Variants in TBCE observed in about 807,000 individuals in gnomAD.
TBCE encodes the protein tubulin-specific chaperone E.
A neutral mutation model predicts 77.0 loss-of-function variants in TBCE; 53 were observed. The observed-to-expected ratio is 0.69, with a 90% CI of 0.55 to 0.87. The LOEUF is 0.87. TBCE is among the 40% of genes least tolerant of loss of function. The pLI, the probability that TBCE is intolerant of heterozygous loss-of-function variation, is 0.00. For missense variants in TBCE, 624 were observed against 622.4 expected (o/e 1.00, Z -0.03); for synonymous variants, 235 against 241.3 (o/e 0.97, Z 0.24).
rs10667524 is a variant in TBCE at position 235,438,552 on chromosome 1, T to TAAAA, written c.1117-209_1117-206dup. Among the ~76,000 whole-genome samples, 120 of 146,188 alleles carry TAAAA rather than the reference T, an allele frequency of 8.2e-4. 1 individual carries two copies. The highest frequency in any genetic ancestry group is 1.9e-3 in the African/African-American group (75 of 39,568). ...GACACAGCGAGACTCCATCTCAAAT[T>TAAAA]AAAAAAAAAAAGAGTGTAAAACTGA... On this transcript the variant is annotated intron_variant, in intron 12 of 16. Coordinates refer to ENST00000642610, the MANE Select transcript of TBCE (RefSeq NM_003193.5).
chr1:235,441,788 TTCATC>T (rs1307518496), intron 13 of TBCE, 21 bp from the exon 14 acceptor site: 1 of 1,608,446 alleles, frequency 6.2e-7, no homozygotes, highest in Non-Finnish European at 8.5e-7. Context: ...TGGTTTATCA[TTCATC>T]TCTTTTGCTT....
intron 3 of TBCE, chr1:235,414,042 A>G (rs954293700): frequency 5.8e-5 from 16 of 276,132 alleles, no homozygotes; most frequent in African/African-American, 3.4e-4. Flanking sequence ...TTTAGTAGAG[A>G]TGGGGGTTTC....
intron 4 of TBCE, among the ~76,000 whole-genome samples, chr1:235,417,778 T>C (rs1486473074): frequency 6.6e-6 from 1 of 152,148 alleles, no homozygotes; most frequent in Admixed American, 6.5e-5. Flanking sequence ...TGTTGTTGTT[T>C]CTTGTTTTTT....
Position 235,403,351 on chromosome 1 carries a change from C to T in TBCE, c.185+1764C>T, listed in dbSNP as rs369403655. Among the ~76,000 whole-genome samples, 16 of 152,284 alleles carry T rather than the reference C, an allele frequency of 1.1e-4. No individual in the cohort carries two copies. In the South Asian group the frequency reaches 1.9e-3, roughly 18 times the overall value. Reference sequence around the variant, plus strand: ...CCTCCTGAGTAGCTGGGATCACAGGCGAACGCTACCACGTCTGGCCAATTT... The same window carrying T: ...CCTCCTGAGTAGCTGGGATCACAGGTGAACGCTACCACGTCTGGCCAATTT... On this transcript the variant is annotated intron_variant, in intron 3 of 16. Coordinates refer to ENST00000642610, the MANE Select transcript of TBCE (RefSeq NM_003193.5).
chr1:235,404,877 G>C (rs543725402), intron 3 of TBCE, among the ~76,000 whole-genome samples: 8 of 151,804 alleles, frequency 5.3e-5, no homozygotes, highest in Admixed American at 3.3e-4. Flanking sequence ...GGCCAGGCTG[G>C]TGTCGAACCC....
chr1:235,429,112 C>T (rs930448161), intron 6 of TBCE: 1 of 151,516 alleles, frequency 6.6e-6, no homozygotes, highest in Non-Finnish European at 1.5e-5. Context: ...CCTCAGTCTC[C>T]TGAGTAGCTG....
At chr1:235,396,151 C>G (rs1357361572) in intron 2 of TBCE, among the ~76,000 whole-genome samples, 1 of 152,102 alleles carries the variant, frequency 6.6e-6, no homozygotes, top group African/African-American at 2.4e-5. Flanking sequence ...GCTCCGCCTC[C>G]TGGGTTCACG....
At chr1:235,376,842 C>T (rs35364148) in intron 1 of TBCE, among the ~76,000 whole-genome samples, 21,170 of 151,936 alleles carry the variant, frequency 0.14, 1,780 homozygotes, top group African/African-American at 0.23. Flanking sequence ...GGCCTGGTGG[C>T]GGCCGCCTGT....
intron 3 of TBCE, among the ~76,000 whole-genome samples, chr1:235,407,114 C>T (rs949155243): frequency 1.3e-5 from 2 of 151,912 alleles, no homozygotes; most frequent in Middle Eastern, 3.5e-3. Flanking sequence ...TAGGCGTGAA[C>T]CACTGCACCT....
At chr1:235,406,017 C>T (rs577632751) in intron 3 of TBCE, among the ~76,000 whole-genome samples, 15 of 152,146 alleles carry the variant, frequency 9.9e-5, no homozygotes, top group Non-Finnish European at 2.1e-4. Context: ...TTCATTATAT[C>T]GTCTAGTGTT....
At chr1:235,421,570 TGGTGGTG>T (rs1680401594) in intron 5 of TBCE, among the ~76,000 whole-genome samples, 2 of 152,150 alleles carry the variant, frequency 1.3e-5, no homozygotes, top group Admixed American at 6.5e-5. Context: ...TAGCCAGGCA[TGGTGGTG>T]CATGCCTGTA....
intron 1 of TBCE, among the ~76,000 whole-genome samples, chr1:235,370,065 C>A (rs1024051497): frequency 3.3e-5 from 5 of 152,070 alleles, no homozygotes; most frequent in African/African-American, 1.2e-4. Context: ...CCTTTACCTT[C>A]TCAGTAAGGC....
intron 11 of TBCE, among the ~76,000 whole-genome samples, chr1:235,436,860 T>C (rs971814065): frequency 1.3e-5 from 2 of 152,064 alleles, no homozygotes; most frequent in Non-Finnish European, 2.9e-5. Flanking sequence ...GGCTCAAGCC[T>C]GTAATCCCAG....
At chr1:235,397,930 G>C (rs137946293) in intron 2 of TBCE, among the ~76,000 whole-genome samples, 3 of 152,154 alleles carry the variant, frequency 2.0e-5, no homozygotes, top group Admixed American at 2.0e-4. Flanking sequence ...CTGGCCCCAG[G>C]GGAAAAGCTT....
intron 1 of TBCE, among the ~76,000 whole-genome samples, chr1:235,368,369 G>A (rs1402613848): frequency 1.3e-5 from 2 of 152,100 alleles, no homozygotes; most frequent in Non-Finnish European, 2.9e-5. Flanking sequence ...AGTGGAGGTA[G>A]AGATGAAGAG....
At chr1:235,447,198 A>G (rs1682404879) in intron 15 of TBCE, among the ~76,000 whole-genome samples, 1 of 152,244 alleles carries the variant, frequency 6.6e-6, no homozygotes, top group African/African-American at 2.4e-5. Context: ...TATTCAATAC[A>G]TACAAAAAGG....
chr1:235,368,062 C>T (rs1572290547), intron 1 of TBCE, among the ~76,000 whole-genome samples: 1 of 152,218 alleles, frequency 6.6e-6, no homozygotes, highest in East Asian at 1.9e-4. Flanking sequence ...CGTGCCACCA[C>T]GCTCGGCTAA....
rs568232963 is a variant in TBCE at position 235,390,931 on chromosome 1, G to A, written c.101-10572G>A. Reference sequence around the variant, plus strand: ...TGGAAAAACTTTCCTCATATGATAAGGAAGCTATCATGTAAAGGTTCATCT... The same window carrying A: ...TGGAAAAACTTTCCTCATATGATAAAGAAGCTATCATGTAAAGGTTCATCT... On this transcript the variant is annotated intron_variant, in intron 2 of 16. Transcript: ENST00000642610. Among the ~76,000 whole-genome samples, 22 of 152,120 alleles carry A rather than the reference G, an allele frequency of 1.4e-4. 1 individual carries two copies. Among genetic ancestry groups the A allele is most frequent in the Admixed American group, 1.4e-3 (21 of 15,238 alleles).
At chr1:235,423,962 C>T (rs545568856) in intron 5 of TBCE, among the ~76,000 whole-genome samples, 23 of 152,164 alleles carry the variant, frequency 1.5e-4, no homozygotes, top group Non-Finnish European at 2.9e-4. Flanking sequence ...GACCTTCTTG[C>T]AGAGCTTCCT....
Sources: allele counts gnomAD v4.1 joint callset (sites outside exome capture counted in the v4.1 genomes callset), GRCh38; gene constraint gnomAD v4.1.1; transcripts MANE v1.5; gene names NCBI Gene and HGNC (gene_info 2026-07-23, HGNC 2026-07-21).